The following PDXDC1 variants were observed in gnomAD, a reference collection of about 807,000 sequenced individuals.
The protein encoded by PDXDC1 is pyridoxal-dependent decarboxylase domain-containing protein 1.
Under a neutral mutation model 100.1 loss-of-function variants are expected in PDXDC1, and 42 were observed. That is an observed-to-expected ratio of 0.42 (90% confidence interval 0.33 to 0.54). PDXDC1 has a LOEUF of 0.54. Ranked by LOEUF, PDXDC1 falls within the 20% of genes least tolerant of loss-of-function variation. The probability of loss-of-function intolerance (pLI) is 0.10; values close to 1 mark genes in which losing one functional copy is unlikely to be tolerated. For missense variants in PDXDC1, 636 were observed against 979.2 expected (o/e 0.65, Z 4.68); for synonymous variants, 260 against 371.7 (o/e 0.70, Z 3.46).
Position 15,129,649 on chromosome 16 carries a change from T to C in PDXDC1, c.1400-9230T>C, listed in dbSNP as rs369665426. Among the ~76,000 whole-genome samples, 359 of 152,264 alleles carry C rather than the reference T, an allele frequency of 2.4e-3. 3 individuals carry two copies. The highest frequency in any genetic ancestry group is 5.2e-3 in the Admixed American group (79 of 15,294). The stretch of plus-strand genomic sequence containing the variant: ...TGTGGGGCCACGCTACTGTGCAGAA[T>C]GTGGGCTGCCCACCCTGACTGACTG... On this transcript the variant is annotated intron_variant, in intron 16 of 16. Transcript: ENST00000535621.
rs758597516 is a variant in PDXDC1, at chr16:15,050,731, C to CA, written c.1399+20688dup. ...TGGGTGACAGACCAAGACCCTGCCT[C>CA]AAAAAAAAAAAAATTAAGATTAAAC... On this transcript the variant is annotated intron_variant, in intron 16 of 16. Transcript: ENST00000535621. Among the ~76,000 whole-genome samples, 486 of 129,602 alleles carry CA rather than the reference C, an allele frequency of 3.7e-3. 1 individual carries two copies. Among genetic ancestry groups the CA allele is most frequent in the Middle Eastern group, 7.9e-3 (2 of 254 alleles). 85.0% of individuals were successfully genotyped at this position (129,602 alleles called of 152,430 possible). A position where few individuals can be genotyped will look rare whatever the true frequency, so the allele number is the denominator to read the frequency against.
chr16:15,004,401 T>A, intron 5 of PDXDC1, 68 bp downstream of exon 5: 1 of 1,588,584 alleles, frequency 6.3e-7, no homozygotes, highest in Non-Finnish European at 8.6e-7. Flanking sequence ...ATCTTTTTTC[T>A]GGAGCTGTAC....
chr16:15,041,579 C>T, downstream of PDXDC1: 2 of 1,422,390 alleles, frequency 1.4e-6, no homozygotes, highest in Non-Finnish European at 2.0e-6. Context: ...ACAAAACGGT[C>T]CTGAGACCCA....
At chr16:14,987,400 G>GATTT (rs1385322703) in intron 1 of PDXDC1, among the ~76,000 whole-genome samples, 4 of 152,416 alleles carry the variant, frequency 2.6e-5, no homozygotes, top group Non-Finnish European at 5.9e-5. Flanking sequence ...AATGTACTAT[G>GATTT]ATTTGGGGCT....
chr16:15,117,319 T>TA (rs2047266300), intron 16 of PDXDC1, among the ~76,000 whole-genome samples: 1 of 110,924 alleles, frequency 9.0e-6, no homozygotes, highest in Non-Finnish European at 1.8e-5. Flanking sequence ...AGGGGGTTGG[T>TA]TTATGCTGGT....
chr16:15,109,530 G>A (rs1053205978), intron 16 of PDXDC1, among the ~76,000 whole-genome samples: 1 of 147,934 alleles, frequency 6.8e-6, no homozygotes, highest in Non-Finnish European at 1.5e-5. Context: ...GGTGGCATAT[G>A]CCTGTAGTCC....
chr16:15,017,519 T>C, intron 11 of PDXDC1, 97 bp downstream of exon 11: 1 of 792,684 alleles, frequency 1.3e-6, no homozygotes, highest in Admixed American at 2.6e-5. Context: ...AAGTGAAAAA[T>C]ACCCATAATT....
chr16:15,076,636 C>T, intron 16 of PDXDC1: 1 of 1,609,248 alleles, frequency 6.2e-7, no homozygotes, highest in Middle Eastern at 1.7e-4. Flanking sequence ...CAATACCCTG[C>T]CGGGATGCAT....
the PDXDC1 span, among the ~76,000 whole-genome samples, chr16:15,144,513 T>C: frequency 1.3e-5 from 2 of 151,926 alleles, no homozygotes; most frequent in Admixed American, 1.3e-4. Flanking sequence ...CAGCCTCTGA[T>C]AGAGGACGAG....
intron 16 of PDXDC1, among the ~76,000 whole-genome samples, chr16:15,053,473 A>T (rs58636152): frequency 5.2e-4 from 39 of 75,222 alleles, no homozygotes; most frequent in African/African-American, 1.2e-3. Flanking sequence ...GTAAGCTATC[A>T]TTTTTTTAAA....
At position 15,035,489 on chromosome 16, in the gene PDXDC1, A is replaced by G; in HGVS notation, c.2043A>G (p.Ala681=). 1 of 1,612,206 alleles carries G rather than the reference A, an allele frequency of 6.2e-7. No homozygotes were observed. Residue 681 remains alanine, a synonymous_variant, in exon 22 of 23, where the codon GCA becomes GCG. Coordinates refer to ENST00000396410, the MANE Select transcript of PDXDC1 (RefSeq NM_015027.4). The part of the protein sequence containing the change: ...ESTEPIYVYK[A]QGAGVTLPPT... ...CAGAACCCATATATGTCTACAAAGC[A>G]CAAGGTGCAGGAGTCACGCTGCCTC... is the stretch of plus-strand genomic sequence containing the variant.
chr16:15,069,164 T>A (rs1226026607), intron 16 of PDXDC1, among the ~76,000 whole-genome samples: 1 of 152,034 alleles, frequency 6.6e-6, no homozygotes, highest in African/African-American at 2.4e-5. Flanking sequence ...CCAAGGAGAC[T>A]GCGACCCCCG....
At chr16:15,100,084 T>G (rs1281545808) in intron 16 of PDXDC1, among the ~76,000 whole-genome samples, 1 of 152,194 alleles carries the variant, frequency 6.6e-6, no homozygotes, top group Non-Finnish European at 1.5e-5. Flanking sequence ...TCAACACTGT[T>G]AGAGAGATGA....
chr16:15,015,907 A>T, intron 8 of PDXDC1: 1 of 1,160,164 alleles, frequency 8.6e-7, no homozygotes, highest in South Asian at 1.8e-5. Flanking sequence ...GAATTCAATG[A>T]CACAATTAGA....
At chr16:15,039,941 C>A, downstream of PDXDC1, 1 of 1,328,374 alleles carries the variant, frequency 7.5e-7, no homozygotes, top group Non-Finnish European at 1.1e-6. Context: ...TTTTTTTAAC[C>A]CCTTAACAAA....
At chr16:15,084,911 C>A (rs1192872820) in intron 16 of PDXDC1, among the ~76,000 whole-genome samples, 2 of 151,922 alleles carry the variant, frequency 1.3e-5, no homozygotes, top group Non-Finnish European at 2.9e-5. Context: ...ACTAAAAATA[C>A]AAAAATTAGC....
At chr16:15,038,591 C>T (rs768306514), downstream of PDXDC1, 13 of 1,590,676 alleles carry the variant, frequency 8.2e-6, no homozygotes, top group Non-Finnish European at 1.1e-5. Flanking sequence ...ATTTGCTTGT[C>T]ATCTTGGTGC....
chr16:15,025,787 C>G (rs1322329131), intron 13 of PDXDC1: 1 of 152,746 alleles, frequency 6.5e-6, no homozygotes, highest in Non-Finnish European at 1.5e-5. Context: ...TACCACAGAG[C>G]CTGCCAAGGA....
At chr16:15,057,939 A>G (rs1003858501) in intron 16 of PDXDC1, among the ~76,000 whole-genome samples, 14 of 152,216 alleles carry the variant, frequency 9.2e-5, no homozygotes, top group Admixed American at 5.2e-4. Context: ...AATGAGCCAG[A>G]TAACAAGCAG....
Sources: gnomAD v4.1 joint callset for allele counts (sites outside exome capture counted in the v4.1 genomes callset) on GRCh38, gnomAD v4.1.1 for gene constraint, MANE v1.5 for transcripts, NCBI Gene and HGNC (gene_info 2026-07-23, HGNC 2026-07-21) for gene names.